Variants in NR5A2 observed in about 807,000 individuals in gnomAD.
NR5A2 encodes CYP7A promoter-binding factor.
Under a neutral mutation model 62.7 loss-of-function variants are expected in NR5A2, and 26 were observed. The ratio of observed to expected loss-of-function variants is 0.41; its 90% CI spans 0.30 to 0.58. The LOEUF is 0.58. Among genes scored for constraint, NR5A2 ranks in the 20% least tolerant of loss-of-function variants. The pLI is 0.22. For missense variants in NR5A2, 541 were observed against 669.1 expected (o/e 0.81, Z 2.11); for synonymous variants, 246 against 241.7 (o/e 1.02, Z -0.16).
intron 4 of NR5A2, among the ~76,000 whole-genome samples, 186 bp from the exon 5 acceptor site, chr1:200,047,986 T>G (rs537619464): frequency 2.2e-4 from 34 of 152,226 alleles, no homozygotes; most frequent in African/African-American, 7.5e-4. Flanking sequence ...CGACACACAC[T>G]TGGAGGAAGG....
At position 200,136,223 on chromosome 1, in the gene NR5A2, C is replaced by CT. The variant is rs1015637570; in HGVS notation, c.1378+15280dup. On this transcript the variant is annotated intron_variant, in intron 7 of 7. Coordinates refer to ENST00000367362, the MANE Select transcript of NR5A2 (RefSeq NM_205860.3). ...TAGGAAGCTCTTCACTTTTTTCTTT[C>CT]TTTTTTTTTTTTGGAGATGGAATCT... 4.3e-3 allele frequency among the ~76,000 whole-genome samples: 618 copies of CT among 145,230 alleles called. 2 individuals are homozygous for CT. Among genetic ancestry groups the CT allele is most frequent in the Non-Finnish European group, 5.8e-3 (380 of 65,668 alleles).
At chr1:200,161,457 G>T (rs1220127125) in intron 7 of NR5A2, among the ~76,000 whole-genome samples, 1 of 152,066 alleles carries the variant, frequency 6.6e-6, no homozygotes, top group Non-Finnish European at 1.5e-5. Flanking sequence ...AAGAATTCTA[G>T]AATGCAAATT....
chr1:200,128,338 T>C (rs1286053688), intron 7 of NR5A2, among the ~76,000 whole-genome samples: 1 of 152,166 alleles, frequency 6.6e-6, no homozygotes, highest in Non-Finnish European at 1.5e-5. Flanking sequence ...GTCAGTTTTG[T>C]TTTTCTCTAT....
intron 7 of NR5A2, among the ~76,000 whole-genome samples, chr1:200,160,989 A>G (rs1275232864): frequency 2.0e-5 from 3 of 152,244 alleles, no homozygotes; most frequent in Middle Eastern, 3.4e-3. Context: ...GTACAAAAAA[A>G]AAAAAATAGT....
Position 200,043,427 on chromosome 1 carries a change from T to C in NR5A2, c.203-347T>C, listed in dbSNP as rs144119148. 2.6e-4 allele frequency among the ~76,000 whole-genome samples: 39 copies of C among 152,366 alleles called. No individual in the cohort carries two copies. The East Asian group carries it at 7.3e-3, about 29-fold the overall frequency. ...GGTGACATTTTGGAATTTAACTTCA[T>C]AGGGATTTAAAAGAAATTCTAAACT... On this transcript the variant is annotated intron_variant, in intron 2 of 7. Transcript: ENST00000367362.
At chr1:200,077,076 C>T (rs1342788892) in intron 5 of NR5A2, among the ~76,000 whole-genome samples, 1 of 152,184 alleles carries the variant, frequency 6.6e-6, no homozygotes, top group African/African-American at 2.4e-5. Flanking sequence ...TACTTTAGTG[C>T]CGTTTTTATA....
intron 7 of NR5A2, among the ~76,000 whole-genome samples, chr1:200,125,111 G>T (rs1317243163): frequency 1.3e-5 from 2 of 152,104 alleles, no homozygotes; most frequent in African/African-American, 4.8e-5. Flanking sequence ...CATTCTCCCA[G>T]TTTATGAGAG....
At chr1:200,078,176 TG>T (rs1290426778) in intron 5 of NR5A2, among the ~76,000 whole-genome samples, 1 of 152,210 alleles carries the variant, frequency 6.6e-6, no homozygotes, top group African/African-American at 2.4e-5. Flanking sequence ...GTTAGAAATT[TG>T]GCATTGATAC....
At position 200,151,380 on chromosome 1, in the gene NR5A2, C is replaced by G. The variant is rs138870374; in HGVS notation, c.1379-22583C>G. Among the ~76,000 whole-genome samples, 413 of 152,280 alleles carry G rather than the reference C, an allele frequency of 2.7e-3. 1 individual carries two copies. Among genetic ancestry groups the G allele is most frequent in the Non-Finnish European group, 4.4e-3 (298 of 68,022 alleles). ...TTCTGATTTTCTGCCTCCCATGAAA[C>G]ATTGTGCTTTCCTTTTCTATTGATG... is the stretch of plus-strand genomic sequence containing the variant. On this transcript the variant is annotated intron_variant, in intron 7 of 7. Transcript: ENST00000367362.
intron 1 of NR5A2, among the ~76,000 whole-genome samples, chr1:200,035,685 C>G (rs1217214331): frequency 6.6e-6 from 1 of 152,142 alleles, no homozygotes; most frequent in Admixed American, 6.5e-5. Context: ...TGCGCTTCTC[C>G]GGCTCATCAA....
At chr1:200,087,485 C>T (rs1383937108) in intron 5 of NR5A2, among the ~76,000 whole-genome samples, 4 of 152,064 alleles carry the variant, frequency 2.6e-5, no homozygotes, top group Admixed American at 2.6e-4. Flanking sequence ...ACCTCCGCCT[C>T]CTGGGTTCAG....
At chr1:200,064,444 C>T (rs1459859052) in intron 5 of NR5A2, among the ~76,000 whole-genome samples, 4 of 152,210 alleles carry the variant, frequency 2.6e-5, no homozygotes, top group South Asian at 2.1e-4. Flanking sequence ...GAGAACAGCT[C>T]GTGTAAAAAT....
chr1:200,114,365 T>C (rs971901566), intron 6 of NR5A2, among the ~76,000 whole-genome samples: 8 of 152,318 alleles, frequency 5.3e-5, no homozygotes, highest in African/African-American at 1.9e-4. Context: ...CTTCCTGTTA[T>C]GTTTATAATC....
intron 7 of NR5A2, among the ~76,000 whole-genome samples, chr1:200,158,845 A>C (rs1238277359): frequency 6.6e-6 from 1 of 152,078 alleles, no homozygotes; most frequent in Non-Finnish European, 1.5e-5. Context: ...TAGGAAAGCA[A>C]AATTCCCTAT....
chr1:200,111,175 G>A, intron 5 of NR5A2, 27 bp from the exon 6 acceptor site: 3 of 1,584,152 alleles, frequency 1.9e-6, no homozygotes, highest in Non-Finnish European at 2.6e-6. Flanking sequence ...TGTTTTTTTT[G>A]TTTGTTTGTT....
rs530268379 is a variant in NR5A2, at chr1:200,061,248, C to T, written c.1110+12430C>T. Among the ~76,000 whole-genome samples, 246 of 150,816 alleles carry T rather than the reference C, an allele frequency of 1.6e-3. 2 individuals carry two copies. Among genetic ancestry groups the T allele is most frequent in the Non-Finnish European group, 2.9e-3 (198 of 67,870 alleles). On this transcript the variant is annotated intron_variant, in intron 5 of 7. Coordinates refer to ENST00000367362, the MANE Select transcript of NR5A2 (RefSeq NM_205860.3). Reference sequence around the variant, plus strand: ...TGAATATTTGGAAATGTCAATGTCACTCAGAGTGCACAACATTCGGGATTA... The same window carrying T: ...TGAATATTTGGAAATGTCAATGTCATTCAGAGTGCACAACATTCGGGATTA...
intron 7 of NR5A2, among the ~76,000 whole-genome samples, chr1:200,159,149 C>T (rs1653520938): frequency 6.6e-6 from 1 of 152,038 alleles, no homozygotes; most frequent in Admixed American, 6.6e-5. Flanking sequence ...CCTCAGCTTC[C>T]CAAAGTGCTA....
intron 5 of NR5A2, among the ~76,000 whole-genome samples, chr1:200,056,717 G>C (rs1662931078): frequency 6.6e-6 from 1 of 152,188 alleles, no homozygotes; most frequent in Non-Finnish European, 1.5e-5. Context: ...TAAGAGAGTA[G>C]TGATGATCAT....
intron 7 of NR5A2, among the ~76,000 whole-genome samples, chr1:200,137,930 T>C (rs1667299049): frequency 6.6e-6 from 1 of 152,174 alleles, no homozygotes; most frequent in African/African-American, 2.4e-5. Flanking sequence ...CATTTCTAAT[T>C]ATAACTTCAA....
Sources: gnomAD v4.1 joint callset for allele counts (sites outside exome capture counted in the v4.1 genomes callset) on GRCh38, gnomAD v4.1.1 for gene constraint, MANE v1.5 for transcripts, NCBI Gene and HGNC (gene_info 2026-07-23, HGNC 2026-07-21) for gene names.